The following STOX2 variants were observed in gnomAD, a reference collection of about 807,000 sequenced individuals.
STOX2 encodes storkhead-box protein 2.
In STOX2, 28 loss-of-function variants were observed where a neutral mutation model predicts 60.9. The observed-to-expected ratio is 0.46, with a 90% confidence interval of 0.34 to 0.63. The LOEUF (loss-of-function observed/expected upper bound fraction) is 0.63, where lower values mean the gene tolerates loss of function less well. Among genes scored for constraint, STOX2 ranks in the 30% least tolerant of loss-of-function variants. The pLI, the probability that STOX2 is intolerant of heterozygous loss-of-function variation, is 0.01. For missense variants in STOX2, 1,024 were observed against 1,187.7 expected (o/e 0.86, Z 2.03); for synonymous variants, 472 against 463.9 (o/e 1.02, Z -0.22).
intron 1 of STOX2, among the ~76,000 whole-genome samples, chr4:183,934,009 A>G (rs1289669366): frequency 6.6e-6 from 1 of 152,138 alleles, no homozygotes; most frequent in Non-Finnish European, 1.5e-5. Flanking sequence ...ATCTATTTAA[A>G]GATGTAAATA....
intron 1 of STOX2, among the ~76,000 whole-genome samples, chr4:183,895,092 G>A (rs1741311038): frequency 1.3e-5 from 2 of 152,136 alleles, no homozygotes; most frequent in Non-Finnish European, 2.9e-5. Flanking sequence ...GAGTACAATC[G>A]CGGACTAGGA....
rs1734454494 is a variant in STOX2, at chr4:184,018,180, T to C, written c.*896T>C. 1 of 152,226 alleles carries C rather than the reference T, an allele frequency of 6.6e-6. No homozygotes were observed. The highest frequency in any genetic ancestry group is 1.5e-5 in the Non-Finnish European group (1 of 68,048). The allele number at this position is 152,226 out of a possible 1,614,324, so 9.4% of individuals were successfully genotyped here. On this transcript the variant is annotated 3_prime_UTR_variant, in exon 4 of 4. Coordinates refer to ENST00000308497, the MANE Select transcript of STOX2 (RefSeq NM_020225.3). ...CTCCTTGTGATACTTAGGATGACCC[T>C]ATCTTACTCTAATAGATACAATAAT...
chr4:183,913,598 C>A (rs989975958), intron 1 of STOX2, among the ~76,000 whole-genome samples: 14 of 152,106 alleles, frequency 9.2e-5, no homozygotes, highest in African/African-American at 3.1e-4. Context: ...TGGTGAAACC[C>A]CGTCTCTACT....
intron 1 of STOX2, among the ~76,000 whole-genome samples, chr4:183,940,235 C>T (rs1050915872): frequency 3.3e-5 from 5 of 152,098 alleles, no homozygotes; most frequent in Non-Finnish European, 7.4e-5. Context: ...TCAAGACGCC[C>T]GGGTTCCCTG....
At chr4:183,873,820 T>C (rs887106814) in intron 1 of STOX2, among the ~76,000 whole-genome samples, 4 of 152,318 alleles carry the variant, frequency 2.6e-5, no homozygotes, top group South Asian at 4.1e-4. Flanking sequence ...GCTGTAGTTG[T>C]ACAAACACAA....
rs1293769261 is a variant in STOX2 at position 184,023,280 on chromosome 4, C to T, written c.*5996C>T. On this transcript the variant is annotated 3_prime_UTR_variant, in exon 4 of 4. Coordinates refer to ENST00000308497, the MANE Select transcript of STOX2 (RefSeq NM_020225.3). Reference sequence around the variant, plus strand: ...TCATGAAATGTCTTCCCTAATGTTACTGATTTATAACAGCACATTTGTAAC... The same window carrying T: ...TCATGAAATGTCTTCCCTAATGTTATTGATTTATAACAGCACATTTGTAAC... 6.6e-6 allele frequency: 1 copy of T among 152,070 alleles called. No individual in the cohort carries two copies. Among genetic ancestry groups the T allele is most frequent in the Non-Finnish European group, 1.5e-5 (1 of 68,014 alleles). The allele number at this position is 152,070 out of a possible 1,614,324, so 9.4% of individuals were successfully genotyped here.
intron 1 of STOX2, among the ~76,000 whole-genome samples, chr4:183,912,115 C>T (rs536180307): frequency 3.2e-4 from 48 of 152,270 alleles, no homozygotes; most frequent in Non-Finnish European, 5.6e-4. Context: ...TAAAACCTGT[C>T]TCTTCCTCTT....
intron 1 of STOX2, among the ~76,000 whole-genome samples, chr4:183,802,343 G>A (rs1738784332): frequency 6.6e-6 from 1 of 152,196 alleles, no homozygotes; most frequent in African/African-American, 2.4e-5. Flanking sequence ...CTTTCTTGAA[G>A]TGATTTCCCC....
chr4:183,861,346 T>G (rs1258095970), intron 1 of STOX2, among the ~76,000 whole-genome samples: 4 of 152,112 alleles, frequency 2.6e-5, no homozygotes, highest in Admixed American at 2.6e-4. Context: ...GGCCCCTGTC[T>G]TTGTCTGGCC....
At chr4:183,923,403 G>C (rs1191366046) in intron 1 of STOX2, among the ~76,000 whole-genome samples, 1 of 152,186 alleles carries the variant, frequency 6.6e-6, no homozygotes, top group African/African-American at 2.4e-5. Context: ...TCTTCTCTGA[G>C]AAGTTAGAAG....
At chr4:183,915,628 C>T (rs1385222901) in intron 1 of STOX2, among the ~76,000 whole-genome samples, 1 of 152,002 alleles carries the variant, frequency 6.6e-6, no homozygotes, top group African/African-American at 2.4e-5. Flanking sequence ...TAGGGTGAGC[C>T]CTAGATCCAC....
chr4:184,019,605 T>C lies in STOX2; in HGVS notation c.*2321T>C, dbSNP rs1462592296. 2.6e-5 allele frequency: 4 copies of C among 152,320 alleles called. No individual in the cohort carries two copies. The highest frequency in any genetic ancestry group is 1.3e-4 in the Admixed American group (2 of 15,304). The allele number at this position is 152,320 out of a possible 1,614,324, so 9.4% of individuals were successfully genotyped here. The stretch of plus-strand genomic sequence containing the variant: ...GAATTTATTGATATTTCACAAGATA[T>C]AGGTTTACAGAAGACATTATTCAAA... On this transcript the variant is annotated 3_prime_UTR_variant, in exon 4 of 4. Transcript: ENST00000308497.
At chr4:183,864,903 A>G (rs1298275865) in intron 1 of STOX2, among the ~76,000 whole-genome samples, 1 of 152,126 alleles carries the variant, frequency 6.6e-6, no homozygotes, top group African/African-American at 2.4e-5. Flanking sequence ...AGGTTTCTCT[A>G]CTTTTAAATC....
At chr4:184,008,240 G>T (rs1005757322) in intron 2 of STOX2, among the ~76,000 whole-genome samples, 1 of 152,226 alleles carries the variant, frequency 6.6e-6, no homozygotes, top group South Asian at 2.1e-4. Flanking sequence ...AAGTAAATGG[G>T]CTGGAGCCTG....
Position 183,816,660 on chromosome 4 carries a change from TTCAAAAAAA to T in STOX2, c.364+18607_364+18615del, listed in dbSNP as rs1172552862. 2.0e-5 allele frequency among the ~76,000 whole-genome samples: 3 copies of T among 151,982 alleles called. No individual in the cohort carries two copies. The East Asian group carries it at 5.8e-4, about 29-fold the overall frequency. On this transcript the variant is annotated intron_variant, in intron 1 of 2. Coordinates refer to the STOX2 transcript ENST00000513034. ...CTGAATATAAAATTTAAAAAAAAAATTCAAAAAAATTTAAATGGTGAAGTGTATTCATTT... is the reference window on the plus strand; with the variant it reads ...CTGAATATAAAATTTAAAAAAAAAATTTTAAATGGTGAAGTGTATTCATTT...
At chr4:183,822,373 G>A (rs796438710) in intron 1 of STOX2, among the ~76,000 whole-genome samples, 3 of 152,170 alleles carry the variant, frequency 2.0e-5, no homozygotes, top group East Asian at 1.9e-4. Flanking sequence ...TGACTCAAGC[G>A]CATGACCTTT....
Position 184,011,805 on chromosome 4 carries a change from G to A in STOX2, c.2585+382G>A, listed in dbSNP as rs1268446841. ...GTAGAATAAATAGTCTGGGGGCGGGGGAGGAAGATAGGGGTTGGGAGTAAA... is the reference window on the plus strand; with the variant it reads ...GTAGAATAAATAGTCTGGGGGCGGGAGAGGAAGATAGGGGTTGGGAGTAAA... On this transcript the variant is annotated intron_variant, in intron 3 of 3. Coordinates refer to ENST00000308497, the MANE Select transcript of STOX2 (RefSeq NM_020225.3). The surrounding 1 kb of genome is among the most constrained non-coding windows in gnomAD (Gnocchi z 4.4). Among the ~76,000 whole-genome samples, 1 of 152,256 alleles carries A rather than the reference G, an allele frequency of 6.6e-6. No individual in the cohort carries two copies. Among genetic ancestry groups the A allele is most frequent in the East Asian group, 1.9e-4 (1 of 5,168 alleles).
At chr4:183,922,856 C>T (rs548783198) in intron 1 of STOX2, among the ~76,000 whole-genome samples, 1 of 152,274 alleles carries the variant, frequency 6.6e-6, no homozygotes, top group African/African-American at 2.4e-5. Context: ...ATTGATTACC[C>T]CACCTCATCT....
chr4:183,824,922 G>C (rs1313009037), intron 1 of STOX2, among the ~76,000 whole-genome samples: 28 of 152,216 alleles, frequency 1.8e-4, no homozygotes, highest in Admixed American at 1.8e-3. Flanking sequence ...GACCGATAGA[G>C]TTCAATTGTG....
Sources: allele counts gnomAD v4.1 joint callset (sites outside exome capture counted in the v4.1 genomes callset), GRCh38; gene constraint gnomAD v4.1.1; non-coding constraint Gnocchi (gnomAD v3.1); transcripts MANE v1.5; gene names NCBI Gene and HGNC (gene_info 2026-07-23, HGNC 2026-07-21).